The following RMND5B variants were observed in gnomAD, a reference collection of about 807,000 sequenced individuals.
RMND5B encodes E3 ubiquitin-protein transferase RMND5B.
A neutral mutation model predicts 50.4 loss-of-function variants in RMND5B; 42 were observed. That is an observed-to-expected ratio of 0.83 (90% CI 0.65 to 1.08). The LOEUF (loss-of-function observed/expected upper bound fraction) is 1.08, where lower values mean the gene tolerates loss of function less well. RMND5B is among the 50% of genes least tolerant of loss of function. The pLI, the probability that RMND5B is intolerant of heterozygous loss-of-function variation, is 0.00. For synonymous variants in RMND5B, 220 were observed against 210.0 expected, an observed-to-expected ratio of 1.05 and a Z score of -0.41; for missense variants, 463 against 508.5, an observed-to-expected ratio of 0.91 and a Z score of 0.86.
intron 2 of RMND5B, chr5:178,136,031 G>A (rs573357672): frequency 6.6e-6 from 1 of 152,178 alleles, no homozygotes; most frequent in African/African-American, 2.4e-5. Context: ...TGAAACAGTG[G>A]CCTGTGAAGC....
intron 2 of RMND5B, among the ~76,000 whole-genome samples, chr5:178,134,905 A>G (rs10042021): frequency 0.72 from 106,996 of 149,454 alleles, 38,583 homozygotes; most frequent in Admixed American, 0.78. Context: ...TGGACCCGGG[A>G]GGTGGAGGTT....
chr5:178,148,421 C>T lies in RMND5B; in HGVS notation c.*389C>T, dbSNP rs1054991715. 2.5e-5 allele frequency: 8 copies of T among 322,442 alleles called. No individual in the cohort carries two copies. Among genetic ancestry groups the T allele is most frequent in the Admixed American group, 1.4e-4 (3 of 22,198 alleles). The allele number at this position is 322,442 out of a possible 1,614,324, so 20.0% of individuals were successfully genotyped here. A position where few individuals can be genotyped will look rare whatever the true frequency, so the allele number is the denominator to read the frequency against. On this transcript the variant is annotated 3_prime_UTR_variant, in exon 11 of 11. Transcript: ENST00000313386. ...CAATGCTATGTCCACCCTTGCCCCT[C>T]GGCCCAAGAGTGTCCAGCGGTGGCC...
In RMND5B at chr5:178,148,397, A is replaced by G; in HGVS notation, c.*365A>G. On this transcript the variant is annotated 3_prime_UTR_variant, in exon 11 of 11. Transcript: ENST00000313386. ...CAGCCAAGTCTCTTGCTGCCATGCC[A>G]ATGCTATGTCCACCCTTGCCCCTCG... is the stretch of plus-strand genomic sequence containing the variant. 8.5e-6 allele frequency: 3 copies of G among 355,004 alleles called. No homozygotes were observed. Among genetic ancestry groups the G allele is most frequent in the South Asian group, 7.7e-5 (3 of 38,788 alleles). The allele number at this position is 355,004 out of a possible 1,614,324, so 22.0% of individuals were successfully genotyped here.
chr5:178,142,733 G>A lies in RMND5B; in HGVS notation c.285+5G>A. On this transcript the variant is annotated splice_donor_5th_base_variant and intron_variant, in intron 4 of 10. Transcript: ENST00000313386. ...GTGGGCAAAGCCATTGACAGGGTGA[G>A]CACGTGGCCGGCTCCAGGCGTGGGG... is the stretch of plus-strand genomic sequence containing the variant. The A allele has an allele frequency of 6.2e-7, 1 of 1,614,240 alleles. No homozygotes were observed. The highest frequency in any genetic ancestry group is 8.5e-7 in the Non-Finnish European group (1 of 1,180,046).
At position 178,147,745 on chromosome 5, in the gene RMND5B, G is replaced by A; in HGVS notation, c.980G>A (p.Gly327Asp). 1 of 1,614,194 alleles carries A rather than the reference G, an allele frequency of 6.2e-7. No homozygotes were observed. Among genetic ancestry groups the A allele is most frequent in the Admixed American group, 1.7e-5 (1 of 60,024 alleles). ...CCTTCCCAGATTGAGATTGAACTAGGCATGAAGTGCTGGTACCACTCCGTG... is the reference window on the plus strand; with the variant it reads ...CCTTCCCAGATTGAGATTGAACTAGACATGAAGTGCTGGTACCACTCCGTG... ...KDELPIEIEL[G>D]MKCWYHSVFA... is the part of the protein sequence containing the mutation. The change falls in exon 10 of 11, where the codon GGC becomes GAC. Residue 327 changes from glycine (G) to aspartate (D), a missense_variant. Transcript: ENST00000313386.
intron 8 of RMND5B, chr5:178,147,192 C>T (rs930170815): frequency 6.5e-6 from 2 of 309,980 alleles, no homozygotes; most frequent in South Asian, 9.3e-5. Context: ...AGGGTACGTC[C>T]TACAGGCAGG....
At position 178,142,972 on chromosome 5, in the gene RMND5B, G is replaced by A. The variant is rs761344511; in HGVS notation, c.406G>A (p.Val136Met). ...CCTGTATCAGCAGGGCATGCTCAGC[G>A]TGGCCGAGGAGCTGTGCCAGGTACA... ...EHLYQQGMLSVAEELCQESTL... is the reference protein window; with the variant it reads ...EHLYQQGMLSMAEELCQESTL... The change falls in exon 5 of 11, where the codon GTG becomes ATG. Residue 136 changes from valine (V) to methionine (M), a missense_variant. Transcript: ENST00000313386. The A allele has an allele frequency of 6.8e-6, 11 of 1,613,758 alleles. No individual in the cohort carries two copies. The African/African-American group carries it at 8.0e-5, about 12-fold the overall frequency.
At position 178,137,720 on chromosome 5, in the gene RMND5B, CATT is replaced by C. The variant is rs1758691855; in HGVS notation, c.-12-385_-12-383del. On this transcript the variant is annotated intron_variant, in intron 2 of 10. Coordinates refer to ENST00000313386, the MANE Select transcript of RMND5B (RefSeq NM_022762.5). The surrounding 1 kb of genome is among the most constrained non-coding windows in gnomAD (Gnocchi z 4.4). ...AAGAAAATACATACGTGTAATATGA[CATT>C]ATGCAGTATATGGATTTCTAGTTAG... 6.6e-6 allele frequency among the ~76,000 whole-genome samples: 1 copy of C among 152,138 alleles called. No individual in the cohort carries two copies. The highest frequency in any genetic ancestry group is 2.1e-4 in the South Asian group (1 of 4,828).
chr5:178,144,720 GA>G lies in RMND5B; in HGVS notation c.694+625del, dbSNP rs111233356. ...GGTGACAGAGTGAGACTCCGTCTCA[GA>G]AAAAAAAAAAAAGACTTGTCTGGGT... On this transcript the variant is annotated intron_variant, in intron 7 of 10. Coordinates refer to ENST00000313386, the MANE Select transcript of RMND5B (RefSeq NM_022762.5). Among the ~76,000 whole-genome samples the G allele has an allele frequency of 1.4e-3, 154 of 111,618 alleles. 4 individuals are homozygous for G. Among genetic ancestry groups the G allele is most frequent in the African/African-American group, 2.0e-3 (57 of 28,356 alleles). 73.2% of individuals were successfully genotyped at this position (111,618 alleles called of 152,430 possible).
At position 178,137,785 on chromosome 5, in the gene RMND5B, C is replaced by T. The variant is rs574742766; in HGVS notation, c.-12-323C>T. On this transcript the variant is annotated intron_variant, in intron 2 of 10. Coordinates refer to ENST00000313386, the MANE Select transcript of RMND5B (RefSeq NM_022762.5). This position sits in a 1 kb window ranked among gnomAD's most constrained non-coding sequence, Gnocchi z 4.4. ...AGCTAAGGGCTCTGTGAGGCCTGCTCTCTATTCTGATTTAAAAGGGAGATG... is the reference window on the plus strand; with the variant it reads ...AGCTAAGGGCTCTGTGAGGCCTGCTTTCTATTCTGATTTAAAAGGGAGATG... Among the ~76,000 whole-genome samples the T allele has an allele frequency of 6.6e-6, 1 of 152,206 alleles. No homozygotes were observed. The highest frequency in any genetic ancestry group is 6.5e-5 in the Admixed American group (1 of 15,276).
chr5:178,138,247 T>TGCG lies in RMND5B; in HGVS notation c.129_130insCGG (p.Leu43_Ala44insArg). The TGCG allele has an allele frequency of 6.2e-7, 1 of 1,613,334 alleles. No individual in the cohort carries two copies. The highest frequency in any genetic ancestry group is 8.5e-7 in the Non-Finnish European group (1 of 1,179,612). Reference sequence around the variant, plus strand: ...TACGTGGGCCAGCTGCGGGCTGAGCTGGCCAGCGCAGGTGGGTGGCCACCC... The same window carrying TGCG: ...TACGTGGGCCAGCTGCGGGCTGAGCTGCGGGCCAGCGCAGGTGGGTGGCCACCC... On this transcript the variant is annotated inframe_insertion, in exon 3 of 11. Coordinates refer to ENST00000313386, the MANE Select transcript of RMND5B (RefSeq NM_022762.5). This position sits in a 1 kb window ranked among gnomAD's most constrained non-coding sequence, Gnocchi z 5.1.
In RMND5B at chr5:178,138,069, G is replaced by A. The variant is rs528875274; in HGVS notation, c.-12-39G>A. 7.8e-6 allele frequency: 12 copies of A among 1,542,108 alleles called. No homozygotes were observed. In the South Asian group the frequency reaches 8.5e-5, roughly 11 times the overall value. On this transcript the variant is annotated intron_variant, in intron 2 of 10. Coordinates refer to ENST00000313386, the MANE Select transcript of RMND5B (RefSeq NM_022762.5). This position sits in a 1 kb window ranked among gnomAD's most constrained non-coding sequence, Gnocchi z 5.1. Reference sequence around the variant, plus strand: ...TGGGCACCCTGCCTGCCATGCCACCGTGGCCCAGATGGGGCCTGACCCAGC... The same window carrying A: ...TGGGCACCCTGCCTGCCATGCCACCATGGCCCAGATGGGGCCTGACCCAGC...
At chr5:178,136,973 G>A (rs559087171) in intron 2 of RMND5B, among the ~76,000 whole-genome samples, 31 of 152,278 alleles carry the variant, frequency 2.0e-4, no homozygotes, top group Non-Finnish European at 3.7e-4. Flanking sequence ...GGGGGAGGCA[G>A]GCCCAGTGAC....
chr5:178,133,067 G>A (rs1387119375), intron 2 of RMND5B, among the ~76,000 whole-genome samples: 2 of 151,916 alleles, frequency 1.3e-5, no homozygotes, highest in Non-Finnish European at 2.9e-5. Flanking sequence ...GTTTCGCCAT[G>A]TTGGTCAGGC....
rs756812551 is a variant in RMND5B, at chr5:178,147,971, T to G, written c.1121T>G (p.Leu374Arg). ...TCTCGGTTCTCCTCCCTTTGCAGGC[T>G]GAAGTGTCCCTACTGTCCCATGGAG... is the stretch of plus-strand genomic sequence containing the variant. The part of the protein sequence containing the change: ...ALNKLINGGK[L>R]KCPYCPMEQN... The change falls in exon 11 of 11, where the codon CTG (leucine) becomes CGG (arginine). Residue 374 changes from leucine (L) to arginine (R), a missense_variant and splice_region_variant. Transcript: ENST00000313386. 1 of 1,614,150 alleles carries G rather than the reference T, an allele frequency of 6.2e-7. No homozygotes were observed.
rs369506708 is a variant in RMND5B at position 178,138,050 on chromosome 5, C to A, written c.-12-58C>A. On this transcript the variant is annotated intron_variant, in intron 2 of 10. Transcript: ENST00000313386. This position sits in a 1 kb window ranked among gnomAD's most constrained non-coding sequence, Gnocchi z 5.1. ...GGGATCTGAAGAGGTGGTCTGGGCA[C>A]CCTGCCTGCCATGCCACCGTGGCCC... 25 of 1,503,188 alleles carry A rather than the reference C, an allele frequency of 1.7e-5. 1 individual carries two copies. Among genetic ancestry groups the A allele is most frequent in the East Asian group, 4.9e-5 (2 of 40,592 alleles). The allele number at this position is 1,503,188 out of a possible 1,614,324, so 93.1% of individuals were successfully genotyped here.
At chr5:178,144,751 T>C (rs1755895772) in intron 7 of RMND5B, among the ~76,000 whole-genome samples, 2 of 131,742 alleles carry the variant, frequency 1.5e-5, no homozygotes, top group South Asian at 2.4e-4. Context: ...CTGGGTGCGA[T>C]GGCTCATGCC....
intron 8 of RMND5B, chr5:178,147,260 T>G: frequency 2.0e-6 from 1 of 487,916 alleles, no homozygotes; most frequent in Non-Finnish European, 3.7e-6. Flanking sequence ...TTTTCAGTCA[T>G]TAGGATGAGC....
chr5:178,146,257 G>T lies in RMND5B; in HGVS notation c.838G>T (p.Val280Leu). The stretch of plus-strand genomic sequence containing the variant: ...CGCCTGTTCCCTGCTGGGGCTTTCT[G>T]TGGAGTCCCCCCTTAGCGTCAGGTA... ...RDACSLLGLS[V>L]ESPLSVSFAS... The change falls in exon 8 of 11, where the codon GTG (valine) becomes TTG (leucine). Residue 280 changes from valine to leucine, a missense_variant. Coordinates refer to ENST00000313386, the MANE Select transcript of RMND5B (RefSeq NM_022762.5). The T allele has an allele frequency of 1.2e-6, 2 of 1,614,182 alleles. No homozygotes were observed. The highest frequency in any genetic ancestry group is 1.7e-6 in the Non-Finnish European group (2 of 1,180,012).
Sources: gnomAD v4.1 joint callset for allele counts (sites outside exome capture counted in the v4.1 genomes callset) on GRCh38, gnomAD v4.1.1 for gene constraint, Gnocchi (gnomAD v3.1) non-coding constraint, MANE v1.5 for transcripts, NCBI Gene and HGNC (gene_info 2026-07-23, HGNC 2026-07-21) for gene names.